The following CEP112 variants were observed in gnomAD, a reference collection of about 807,000 sequenced individuals.
CEP112 encodes centrosomal protein 112.
In CEP112, 127 loss-of-function variants were observed where a neutral mutation model predicts 153.0. That is an observed-to-expected ratio of 0.83 (90% confidence interval 0.72 to 0.96). CEP112 has a LOEUF of 0.96. CEP112 is among the 40% of genes least tolerant of loss of function. The pLI, the probability that CEP112 is intolerant of heterozygous loss-of-function variation, is 0.00. For missense variants in CEP112, 1,089 were observed against 1,101.2 expected (o/e 0.99, Z 0.16); for synonymous variants, 358 against 374.4 (o/e 0.96, Z 0.51).
At chr17:66,040,498 T>TTC (rs2065925020) in intron 12 of CEP112, among the ~76,000 whole-genome samples, 1 of 149,070 alleles carries the variant, frequency 6.7e-6, no homozygotes, top group Admixed American at 6.7e-5. Context: ...TTTTTTCTTT[T>TTC]TTTTTTTTTT....
At chr17:65,745,882 G>A (rs372370998) in intron 22 of CEP112, among the ~76,000 whole-genome samples, 4 of 152,058 alleles carry the variant, frequency 2.6e-5, no homozygotes, top group African/African-American at 9.7e-5. Context: ...CATGGAACAG[G>A]GACATTTCTC....
intron 6 of CEP112, among the ~76,000 whole-genome samples, chr17:66,120,967 T>C (rs2069551965): frequency 6.6e-6 from 1 of 152,206 alleles, no homozygotes; most frequent in South Asian, 2.1e-4. Flanking sequence ...TTCTTTTCTC[T>C]CTTGGTGCTT....
At chr17:65,902,537 C>A (rs2059913267) in intron 19 of CEP112, among the ~76,000 whole-genome samples, 1 of 151,974 alleles carries the variant, frequency 6.6e-6, no homozygotes, top group Admixed American at 6.6e-5. Flanking sequence ...TGGGCATATT[C>A]AGTAAATCCT....
At chr17:65,654,785 G>C (rs944547941) in intron 24 of CEP112, 1 of 375,170 alleles carries the variant, frequency 2.7e-6, no homozygotes, top group African/African-American at 2.1e-5. Context: ...ACAGAAAATG[G>C]ATAACATAGT....
chr17:66,021,589 C>G (rs142211082), intron 16 of CEP112, among the ~76,000 whole-genome samples: 137 of 152,310 alleles, frequency 9.0e-4, no homozygotes, highest in African/African-American at 2.8e-3. Context: ...GGGTCCCCCT[C>G]CTGATCACCT....
intron 12 of CEP112, among the ~76,000 whole-genome samples, chr17:66,030,882 G>A (rs2065434234): frequency 6.6e-6 from 1 of 152,138 alleles, no homozygotes; most frequent in Non-Finnish European, 1.5e-5. Flanking sequence ...GTTATTCTAA[G>A]AGAACCATTT....
chr17:65,726,657 G>A (rs1278424002), intron 23 of CEP112, among the ~76,000 whole-genome samples: 1 of 152,108 alleles, frequency 6.6e-6, no homozygotes, highest in African/African-American at 2.4e-5. Context: ...GATGTTATAA[G>A]CAACCCTCTA....
At chr17:65,921,624 C>T (rs924232199) in intron 19 of CEP112, among the ~76,000 whole-genome samples, 1 of 152,042 alleles carries the variant, frequency 6.6e-6, no homozygotes, top group Non-Finnish European at 1.5e-5. Context: ...GAAATCTGCA[C>T]CCACCTGAGG....
chr17:66,052,547 T>C (rs967066184), intron 12 of CEP112, among the ~76,000 whole-genome samples: 1 of 152,118 alleles, frequency 6.6e-6, no homozygotes, highest in Non-Finnish European at 1.5e-5. Flanking sequence ...AGATCCTCTA[T>C]CTCATCCTGA....
At chr17:66,141,362 TTAAA>T (rs1175922919) in intron 4 of CEP112, among the ~76,000 whole-genome samples, 3 of 151,720 alleles carry the variant, frequency 2.0e-5, no homozygotes, top group South Asian at 2.1e-4. Flanking sequence ...TTGAAAAAAA[TTAAA>T]TAAACATTTT....
intron 5 of CEP112, 127 bp downstream of exon 5, chr17:66,132,543 A>G (rs895043276): frequency 1.3e-5 from 9 of 706,900 alleles, no homozygotes; most frequent in Non-Finnish European, 2.2e-5. Context: ...CAGGATGTTC[A>G]CCAGAATCAT....
chr17:65,908,076 GAT>G (rs1195977796), intron 19 of CEP112, among the ~76,000 whole-genome samples: 5 of 152,152 alleles, frequency 3.3e-5, no homozygotes, highest in Admixed American at 6.5e-5. Flanking sequence ...GGGAGAACTG[GAT>G]GCACCATGAT....
intron 11 of CEP112, among the ~76,000 whole-genome samples, chr17:66,058,092 A>AC (rs1281252665): frequency 2.0e-5 from 3 of 150,660 alleles, no homozygotes; most frequent in Non-Finnish European, 4.4e-5. Flanking sequence ...GACTCTAAAA[A>AC]AAACAAAAAA....
At chr17:65,640,243 T>C (rs980774458) in intron 25 of CEP112, among the ~76,000 whole-genome samples, 1 of 143,272 alleles carries the variant, frequency 7.0e-6, no homozygotes, top group Admixed American at 7.0e-5. Context: ...AACCTCTGCC[T>C]CTGGGGTTCA....
chr17:66,004,992 A>C (rs2064213331), intron 17 of CEP112, among the ~76,000 whole-genome samples: 1 of 152,190 alleles, frequency 6.6e-6, no homozygotes, highest in Non-Finnish European at 1.5e-5. Context: ...AATGTCTTGA[A>C]TATTTCTCCA....
chr17:66,078,884 G>A (rs1412738028), intron 8 of CEP112, among the ~76,000 whole-genome samples: 1 of 151,980 alleles, frequency 6.6e-6, no homozygotes, highest in African/African-American at 2.4e-5. Context: ...CATATATGAC[G>A]CTTAGTTTCA....
intron 20 of CEP112, among the ~76,000 whole-genome samples, chr17:65,862,091 A>G: frequency 6.6e-6 from 1 of 151,498 alleles, no homozygotes; most frequent in East Asian, 1.9e-4. Context: ...CAGATTACCT[A>G]CAACATGCAA....
At chr17:65,776,130 C>T (rs1038474085) in intron 21 of CEP112, among the ~76,000 whole-genome samples, 10 of 152,312 alleles carry the variant, frequency 6.6e-5, no homozygotes, top group African/African-American at 1.9e-4. Flanking sequence ...GCCGTGGCTT[C>T]GAAAGGACCT....
chr17:66,109,697 A>G (rs527995593), intron 6 of CEP112, among the ~76,000 whole-genome samples: 20 of 152,336 alleles, frequency 1.3e-4, no homozygotes, highest in Admixed American at 2.6e-4. Context: ...AAAAATGTCA[A>G]TTCTTAAGTT....
Sources: gnomAD v4.1 joint callset for allele counts (sites outside exome capture counted in the v4.1 genomes callset) on GRCh38, gnomAD v4.1.1 for gene constraint, MANE v1.5 for transcripts, NCBI Gene and HGNC (gene_info 2026-07-23, HGNC 2026-07-21) for gene names.